The following HTR2B variants were observed in gnomAD, a reference collection of about 807,000 sequenced individuals.
HTR2B encodes 5-hydroxytryptamine receptor 2B, also known as 5-HT 2B receptor.
HTR2B carries 31 observed loss-of-function variants against 39.8 expected under a neutral mutation model. That is an observed-to-expected ratio of 0.78 (90% CI 0.58 to 1.05). The LOEUF (loss-of-function observed/expected upper bound fraction) is 1.05. HTR2B is among the 50% of genes least tolerant of loss of function. HTR2B has a pLI of 0.00. For missense variants in HTR2B, 562 were observed against 578.0 expected, an observed-to-expected ratio of 0.97 and a Z score of 0.28; for synonymous variants, 210 against 207.1, an observed-to-expected ratio of 1.01 and a Z score of -0.12.
At chr2:231,119,817 CT>C (rs1388054793) in intron 2 of HTR2B, among the ~76,000 whole-genome samples, 1 of 132,892 alleles carries the variant, frequency 7.5e-6, no homozygotes, top group Non-Finnish European at 1.5e-5. Flanking sequence ...TTGCAGTGAA[CT>C]GAGATCATGC....
At chr2:231,110,296 A>G (rs915616383) in intron 3 of HTR2B, among the ~76,000 whole-genome samples, 1 of 152,156 alleles carries the variant, frequency 6.6e-6, no homozygotes, top group Non-Finnish European at 1.5e-5. Context: ...CTCCACGCTC[A>G]GCGACAAAGT....
chr2:231,111,098 A>T (rs1210441765), intron 3 of HTR2B, among the ~76,000 whole-genome samples: 1 of 152,158 alleles, frequency 6.6e-6, no homozygotes, highest in Non-Finnish European at 1.5e-5. Context: ...TACCTGCTAT[A>T]GTCTTCTCTC....
rs200761257 is a variant in HTR2B, at chr2:231,108,844, T to C, written c.1119A>G (p.Ser373=). ...GGGTGTAGACCAAAGGATTCACTCC[T>C]GAGGAAACATAGCCTATCCACACAA... ...EIFVWIGYVS[S]GVNPLVYTLF... Residue 373 remains serine, a synonymous_variant, in exon 4 of 4, where the codon TCA becomes TCG. Coordinates refer to ENST00000258400, the MANE Select transcript of HTR2B (RefSeq NM_000867.5). 2.1e-5 allele frequency: 34 copies of C among 1,614,148 alleles called. No individual in the cohort carries two copies. In the Middle Eastern group the frequency reaches 6.6e-4, roughly 31 times the overall value.
At chr2:231,116,788 T>C (rs1333176533) in intron 2 of HTR2B, among the ~76,000 whole-genome samples, 1 of 152,092 alleles carries the variant, frequency 6.6e-6, no homozygotes, top group African/African-American at 2.4e-5. Context: ...TATTGAGATG[T>C]GATACAGAAT....
At chr2:231,120,215 G>T (rs1311577565) in intron 2 of HTR2B, among the ~76,000 whole-genome samples, 3 of 152,174 alleles carry the variant, frequency 2.0e-5, no homozygotes, top group African/African-American at 7.2e-5. Flanking sequence ...GCCTCCTAAA[G>T]TGCTGGGGTT....
In HTR2B at chr2:231,109,154, C is replaced by T. The variant is rs1013960844; in HGVS notation, c.809G>A (p.Arg270Lys). The part of the protein sequence containing the change: ...TWLTVSTVFQ[R>K]DETPCSSPEK... The stretch of plus-strand genomic sequence containing the variant: ...CGGTGACGAGCAAGGTGTTTCATCC[C>T]TTTGGAAAACTGTAGACACAGTCAA... Residue 270 changes from arginine to lysine, a missense_variant, in exon 4 of 4, where the codon AGG (arginine) becomes AAG (lysine). Arg to Lys is a conservative substitution (Grantham distance 26). Transcript: ENST00000258400. The T allele has an allele frequency of 2.5e-6, 4 of 1,614,168 alleles. No individual in the cohort carries two copies. The highest frequency in any genetic ancestry group is 3.4e-6 in the Non-Finnish European group (4 of 1,180,006).
intron 2 of HTR2B, among the ~76,000 whole-genome samples, chr2:231,121,044 A>G (rs1220056613): frequency 2.0e-5 from 3 of 152,226 alleles, no homozygotes; most frequent in African/African-American, 7.2e-5. Context: ...AGTTTGTTAG[A>G]GGGCAACATG....
intron 2 of HTR2B, 43 bp downstream of exon 2, chr2:231,123,370 A>G: frequency 1.5e-6 from 2 of 1,343,522 alleles, no homozygotes; most frequent in Non-Finnish European, 2.1e-6. Context: ...ATAGTATATC[A>G]TAGTTCTGTG....
intron 2 of HTR2B, among the ~76,000 whole-genome samples, chr2:231,114,358 C>T (rs1574741921): frequency 6.6e-6 from 1 of 152,046 alleles, no homozygotes; most frequent in Non-Finnish European, 1.5e-5. Context: ...TGACAAAAAG[C>T]GTATTAGAAT....
intron 2 of HTR2B, 149 bp from the exon 3 acceptor site, chr2:231,114,078 G>C (rs111579893): frequency 2.5e-5 from 17 of 675,256 alleles, no homozygotes; most frequent in African/African-American, 1.8e-4. Flanking sequence ...TTCAGATAAT[G>C]GAGACAACAT....
At position 231,123,331 on chromosome 2, in the gene HTR2B, G is replaced by A. The variant is rs945933709; in HGVS notation, c.352+82C>T. On this transcript the variant is annotated intron_variant, in intron 2 of 3. Transcript: ENST00000258400. ...AAGTTCATCTTTTATTTCAAGAAAA[G>A]TAAAGATTAAATGAGTGTCCATTCT... 1.5e-5 allele frequency: 15 copies of A among 1,016,926 alleles called. No individual in the cohort carries two copies. In the Admixed American group the frequency reaches 2.6e-4, roughly 18 times the overall value. 63.0% of individuals were successfully genotyped at this position (1,016,926 alleles called of 1,614,324 possible). A position where few individuals can be genotyped will look rare whatever the true frequency, so the allele number is the denominator to read the frequency against.
At chr2:231,122,597 C>T (rs1695582442) in intron 2 of HTR2B, among the ~76,000 whole-genome samples, 1 of 152,044 alleles carries the variant, frequency 6.6e-6, no homozygotes, top group African/African-American at 2.4e-5. Flanking sequence ...AATTCATCAG[C>T]AGAATTATTT....
rs1695655015 is a variant in HTR2B at position 231,124,109 on chromosome 2, C to T, written c.-345G>A. ...CCGTAGTTGTAGAGTCGTGTTTGAACTTGCATGCCAGAGAGTTCCCCCTAG... is the reference window on the plus strand; with the variant it reads ...CCGTAGTTGTAGAGTCGTGTTTGAATTTGCATGCCAGAGAGTTCCCCCTAG... On this transcript the variant is annotated 5_prime_UTR_variant, in exon 2 of 4. Coordinates refer to ENST00000258400, the MANE Select transcript of HTR2B (RefSeq NM_000867.5). The T allele has an allele frequency of 3.8e-6, 1 of 261,696 alleles. No homozygotes were observed. Among genetic ancestry groups the T allele is most frequent in the Non-Finnish European group, 7.5e-6 (1 of 133,720 alleles). The allele number at this position is 261,696 out of a possible 1,614,324, so 16.2% of individuals were successfully genotyped here.
chr2:231,113,695 G>A (rs1419284672), intron 3 of HTR2B, 34 bp downstream of exon 3: 3 of 1,581,964 alleles, frequency 1.9e-6, no homozygotes, highest in Non-Finnish European at 2.6e-6. Flanking sequence ...CAAAGATTTT[G>A]TATACCACCC....
intron 3 of HTR2B, among the ~76,000 whole-genome samples, chr2:231,111,889 C>T (rs749357816): frequency 4.6e-5 from 7 of 152,016 alleles, no homozygotes; most frequent in South Asian, 4.1e-4. Context: ...TTTATATGTC[C>T]GCCTTTCTTG....
At chr2:231,124,327 A>G (rs566393937) in intron 1 of HTR2B, among the ~76,000 whole-genome samples, 197 bp from the exon 2 acceptor site, 1 of 152,216 alleles carries the variant, frequency 6.6e-6, no homozygotes, top group African/African-American at 2.4e-5. Flanking sequence ...CAATGGTTAT[A>G]ATAAAAAGTT....
chr2:231,110,761 G>A (rs775735091), intron 3 of HTR2B, among the ~76,000 whole-genome samples: 2 of 152,166 alleles, frequency 1.3e-5, no homozygotes, highest in Non-Finnish European at 2.9e-5. Context: ...TTCTATTTTT[G>A]TAAAAGTTTT....
At position 231,113,770 on chromosome 2, in the gene HTR2B, G is replaced by A. The variant is rs1188652491; in HGVS notation, c.512C>T (p.Thr171Ile). 1 of 1,614,088 alleles carries A rather than the reference G, an allele frequency of 6.2e-7. No individual in the cohort carries two copies. Among genetic ancestry groups the A allele is most frequent in the Non-Finnish European group, 8.5e-7 (1 of 1,179,982 alleles). The stretch of plus-strand genomic sequence containing the variant: ...CACCACTGTAATCTTGATGAATGCT[G>A]TAGCCCGTGAGTTATATTGATTGGC... Reference protein sequence around the residue: ...IQANQYNSRATAFIKITVVWL... With the variant: ...IQANQYNSRAIAFIKITVVWL... Residue 171 changes from threonine (T) to isoleucine (I), a missense_variant, in exon 3 of 4, where the codon ACA becomes ATA. Transcript: ENST00000258400.
At chr2:231,111,204 A>T (rs193129903) in intron 3 of HTR2B, among the ~76,000 whole-genome samples, 11 of 152,236 alleles carry the variant, frequency 7.2e-5, no homozygotes, top group Non-Finnish European at 1.3e-4. Context: ...TCTAATTATT[A>T]TTATTTGCAC....
Sources: allele counts gnomAD v4.1 joint callset (sites outside exome capture counted in the v4.1 genomes callset), GRCh38; gene constraint gnomAD v4.1.1; transcripts MANE v1.5; gene names NCBI Gene and HGNC (gene_info 2026-07-23, HGNC 2026-07-21).